The following FARS2 variants were observed in gnomAD, a reference collection of about 807,000 sequenced individuals.
The protein encoded by FARS2 is phenylalanine--tRNA ligase, mitochondrial.
FARS2 carries 40 observed loss-of-function variants against 46.4 expected under a neutral mutation model. The observed-to-expected ratio is 0.86, with a 90% CI of 0.67 to 1.12. The LOEUF (loss-of-function observed/expected upper bound fraction) is 1.12, where lower values mean the gene tolerates loss of function less well. FARS2 is among the 50% of genes most tolerant of loss of function. The probability of loss-of-function intolerance (pLI) is 0.00; values close to 1 mark genes in which losing one functional copy is unlikely to be tolerated. For missense variants in FARS2, 513 were observed against 567.9 expected (o/e 0.90, Z 0.98); for synonymous variants, 234 against 214.9 (o/e 1.09, Z -0.78).
intron 6 of FARS2, among the ~76,000 whole-genome samples, chr6:5,721,947 G>C (rs1054423467): frequency 6.6e-6 from 1 of 152,242 alleles, no homozygotes; most frequent in African/African-American, 2.4e-5. Flanking sequence ...TTCTCTGTGT[G>C]TGTTTCCCAC....
chr6:5,519,033 T>C (rs1582334534), intron 4 of FARS2, among the ~76,000 whole-genome samples: 2 of 152,326 alleles, frequency 1.3e-5, no homozygotes, highest in East Asian at 3.9e-4. Context: ...AAATTTTACC[T>C]CTAAAATATT....
chr6:5,254,859 T>C, the FARS2 span, among the ~76,000 whole-genome samples: 2 of 152,332 alleles, frequency 1.3e-5, no homozygotes, highest in East Asian at 3.9e-4. Flanking sequence ...ATCGGTTATC[T>C]ACTCTCATGT....
intron 4 of FARS2, among the ~76,000 whole-genome samples, chr6:5,442,834 T>C (rs889510999): frequency 1.3e-5 from 2 of 152,150 alleles, no homozygotes; most frequent in African/African-American, 4.8e-5. Context: ...TTTTTAGTTT[T>C]CCCTAATCCT....
At chr6:5,522,198 C>T (rs900424735) in intron 4 of FARS2, among the ~76,000 whole-genome samples, 4 of 152,284 alleles carry the variant, frequency 2.6e-5, no homozygotes, top group East Asian at 1.9e-4. Context: ...AGCATATGAC[C>T]ACCAAGGCCC....
intron 6 of FARS2, among the ~76,000 whole-genome samples, chr6:5,705,841 G>A (rs149703962): frequency 3.9e-5 from 6 of 152,148 alleles, no homozygotes; most frequent in South Asian, 2.1e-4. Flanking sequence ...CAGTGCAACC[G>A]CACACACAAA....
intron 5 of FARS2, among the ~76,000 whole-genome samples, chr6:5,601,524 C>CAAAA (rs70975920): frequency 6.5e-5 from 6 of 92,164 alleles, no homozygotes; most frequent in African/African-American, 3.0e-4. Flanking sequence ...AACTCCATCA[C>CAAAA]AAAAAAAAAA....
chr6:5,527,906 T>C (rs948519742), intron 4 of FARS2, among the ~76,000 whole-genome samples: 1 of 152,198 alleles, frequency 6.6e-6, no homozygotes, highest in African/African-American at 2.4e-5. Context: ...GAACTTAGAT[T>C]GAAATTTGAG....
At chr6:5,326,235 T>A (rs992691157) in intron 1 of FARS2, among the ~76,000 whole-genome samples, 2 of 152,202 alleles carry the variant, frequency 1.3e-5, no homozygotes, top group Non-Finnish European at 2.9e-5. Context: ...CCCTCTGATG[T>A]GCAACTCACT....
At chr6:5,436,250 C>CA (rs764923011) in intron 4 of FARS2, among the ~76,000 whole-genome samples, 4 of 152,152 alleles carry the variant, frequency 2.6e-5, no homozygotes, top group Non-Finnish European at 4.4e-5. Flanking sequence ...TTCTTGTTTG[C>CA]AAGGAGGGAT....
chr6:5,676,718 A>G (rs1778787594), intron 6 of FARS2, among the ~76,000 whole-genome samples: 1 of 152,176 alleles, frequency 6.6e-6, no homozygotes, highest in South Asian at 2.1e-4. Context: ...ATGCTCCCAA[A>G]CTTACTAGGA....
intron 6 of FARS2, among the ~76,000 whole-genome samples, chr6:5,679,019 G>C (rs972356834): frequency 6.6e-6 from 1 of 152,124 alleles, no homozygotes; most frequent in African/African-American, 2.4e-5. Context: ...TGGATCAGAA[G>C]GAATGTCTGA....
At chr6:5,465,251 C>G (rs1765449134) in intron 4 of FARS2, among the ~76,000 whole-genome samples, 1 of 152,194 alleles carries the variant, frequency 6.6e-6, no homozygotes, top group East Asian at 1.9e-4. Flanking sequence ...GCAAACTGAA[C>G]TTGTGCTCTT....
rs1776260846 is a variant in FARS2 at position 5,630,838 on chromosome 6, T to C, written c.1217+17518T>C. Among the ~76,000 whole-genome samples, 1 of 152,220 alleles carries C rather than the reference T, an allele frequency of 6.6e-6. No homozygotes were observed. The highest frequency in any genetic ancestry group is 2.1e-4 in the South Asian group (1 of 4,834). On this transcript the variant is annotated intron_variant, in intron 6 of 6. Transcript: ENST00000274680. This position sits in a 1 kb window ranked among gnomAD's most constrained non-coding sequence, Gnocchi z 4.2. ...CCGGTGTGTCTAACTTAAGAAAGAA[T>C]GTGGCATGCAAATTAAGACCTGAAA... is the stretch of plus-strand genomic sequence containing the variant.
intron 1 of FARS2, among the ~76,000 whole-genome samples, chr6:5,286,336 C>T (rs1040777925): frequency 1.3e-5 from 2 of 152,242 alleles, no homozygotes; most frequent in Admixed American, 1.3e-4. Context: ...GATCTTGGCT[C>T]ACCTCAGCCT....
chr6:5,564,933 A>G (rs898140621), intron 5 of FARS2, among the ~76,000 whole-genome samples: 19 of 152,130 alleles, frequency 1.2e-4, no homozygotes, highest in Non-Finnish European at 1.5e-4. Context: ...GGCTTTTTTT[A>G]ATTGGCTTTG....
intron 1 of FARS2, among the ~76,000 whole-genome samples, chr6:5,270,134 T>G (rs1765843382): frequency 6.6e-6 from 1 of 152,214 alleles, no homozygotes; most frequent in South Asian, 2.1e-4. Context: ...CCTGGAATTC[T>G]GCAGTGCAAA....
intron 2 of FARS2, among the ~76,000 whole-genome samples, chr6:5,401,621 C>G (rs1035903568): frequency 6.6e-6 from 1 of 151,964 alleles, no homozygotes; most frequent in Admixed American, 6.6e-5. Context: ...GAACAAGGCT[C>G]ATGCTTTGGT....
chr6:5,393,301 A>G (rs951618605), intron 2 of FARS2, among the ~76,000 whole-genome samples: 2 of 152,116 alleles, frequency 1.3e-5, no homozygotes, highest in Non-Finnish European at 2.9e-5. Flanking sequence ...AGTGGTGGTT[A>G]TGGTGTCAGT....
chr6:5,551,247 T>G (rs1323021878), intron 5 of FARS2, among the ~76,000 whole-genome samples: 2 of 152,228 alleles, frequency 1.3e-5, no homozygotes, highest in East Asian at 1.9e-4. Context: ...AAGGATCCCC[T>G]TTCCTCCACC....
Sources: allele counts gnomAD v4.1 joint callset (sites outside exome capture counted in the v4.1 genomes callset), GRCh38; gene constraint gnomAD v4.1.1; non-coding constraint Gnocchi (gnomAD v3.1); transcripts MANE v1.5; gene names NCBI Gene and HGNC (gene_info 2026-07-23, HGNC 2026-07-21).